CTDSP2: variants seen among roughly 807,000 people sequenced by gnomAD.
CTDSP2 encodes the protein CTD small phosphatase 2.
In CTDSP2, 9 loss-of-function variants were observed where a neutral mutation model predicts 31.6. The observed-to-expected ratio is 0.28, with a 90% CI of 0.17 to 0.50. The LOEUF (loss-of-function observed/expected upper bound fraction) is 0.50, where lower values mean the gene tolerates loss of function less well. Among genes scored for constraint, CTDSP2 ranks in the 20% least tolerant of loss-of-function variants. The pLI is 0.98. For missense variants in CTDSP2, 267 were observed against 348.5 expected (o/e 0.77, Z 1.86); for synonymous variants, 134 against 134.5 (o/e 1.00, Z 0.03).
Position 57,822,927 on chromosome 12 carries a change from AG to A in CTDSP2, c.*674del, listed in dbSNP as rs1956156462. The A allele has an allele frequency of 6.5e-6, 1 of 152,816 alleles. No individual in the cohort carries two copies. Among genetic ancestry groups the A allele is most frequent in the Non-Finnish European group, 1.5e-5 (1 of 68,206 alleles). The allele number at this position is 152,816 out of a possible 1,614,324, so 9.5% of individuals were successfully genotyped here. On this transcript the variant is annotated 3_prime_UTR_variant, in exon 8 of 8. Coordinates refer to ENST00000398073, the MANE Select transcript of CTDSP2 (RefSeq NM_005730.4). ...ACTATGGCTAGGTGGTGAGGAAGGC[AG>A]GCTCAGCACCCCAGCCTTGGGGAGA...
At chr12:57,838,906 C>T (rs1426397855) in intron 1 of CTDSP2, among the ~76,000 whole-genome samples, 1 of 152,228 alleles carries the variant, frequency 6.6e-6, no homozygotes, top group Non-Finnish European at 1.5e-5. Flanking sequence ...CTTTCATACT[C>T]TTACCTCAGT....
chr12:57,834,167 CTTTT>C (rs879724891), intron 1 of CTDSP2, among the ~76,000 whole-genome samples: 1 of 148,570 alleles, frequency 6.7e-6, no homozygotes, highest in South Asian at 2.1e-4. Flanking sequence ...TTCTGGAAAA[CTTTT>C]TTTTTTTCTA....
At chr12:57,831,493 GATGAA>G (rs1956215696) in intron 1 of CTDSP2, among the ~76,000 whole-genome samples, 2 of 152,214 alleles carry the variant, frequency 1.3e-5, no homozygotes, top group South Asian at 4.2e-4. Flanking sequence ...TTTTGCTATA[GATGAA>G]ATTTTCTGAT....
intron 1 of CTDSP2, among the ~76,000 whole-genome samples, chr12:57,843,985 G>A (rs1956297717): frequency 6.6e-6 from 1 of 151,964 alleles, no homozygotes. Context: ...ATCACCTCAG[G>A]AGTCGAGACC....
At position 57,838,422 on chromosome 12, in the gene CTDSP2, C is replaced by A. The variant is rs1047312899; in HGVS notation, c.64+7950G>T. 2.6e-5 allele frequency among the ~76,000 whole-genome samples: 4 copies of A among 152,188 alleles called. No homozygotes were observed. In the East Asian group the frequency reaches 7.7e-4, roughly 29 times the overall value. ...AACCACACTTGCCTACCTGGAGTTA[C>A]CCCTCCTTCCCCCTAAGGAGGTGTA... On this transcript the variant is annotated intron_variant, in intron 1 of 7. Coordinates refer to ENST00000398073, the MANE Select transcript of CTDSP2 (RefSeq NM_005730.4).
chr12:57,836,633 T>C (rs1956249280), intron 1 of CTDSP2, among the ~76,000 whole-genome samples: 1 of 151,806 alleles, frequency 6.6e-6, no homozygotes, highest in African/African-American at 2.4e-5. Context: ...CAGAGTGAGA[T>C]TTTGTCTTTA....
At chr12:57,825,367 C>T (rs186214030) in intron 5 of CTDSP2, among the ~76,000 whole-genome samples, 80 of 152,380 alleles carry the variant, frequency 5.3e-4, no homozygotes, top group African/African-American at 1.8e-3. Flanking sequence ...CAGCTTTCAT[C>T]AAGTCTGGCA....
At chr12:57,829,778 A>C (rs74094463) in intron 1 of CTDSP2, among the ~76,000 whole-genome samples, 182 bp from the exon 2 acceptor site, 2,513 of 152,266 alleles carry the variant, frequency 0.017, 67 homozygotes, top group African/African-American at 0.056. Context: ...TTTTCTCTTT[A>C]AAGCAGGAAT....
At chr12:57,836,583 G>A (rs1252735386) in intron 1 of CTDSP2, among the ~76,000 whole-genome samples, 29 of 152,128 alleles carry the variant, frequency 1.9e-4, no homozygotes, top group Non-Finnish European at 1.5e-4. Flanking sequence ...TTGAGGCTGC[G>A]GTAAGCCGTG....
At chr12:57,838,156 C>T (rs368061325) in intron 1 of CTDSP2, among the ~76,000 whole-genome samples, 7 of 152,270 alleles carry the variant, frequency 4.6e-5, no homozygotes, top group African/African-American at 1.4e-4. Flanking sequence ...AGATCCTGGA[C>T]CAGAGACAGA....
intron 1 of CTDSP2, 53 bp downstream of exon 1, chr12:57,846,319 G>T (rs1040365598): frequency 5.9e-6 from 9 of 1,532,990 alleles, no homozygotes; most frequent in Non-Finnish European, 8.0e-6. Context: ...GGCTGTGCTA[G>T]CCCCCTCCGC....
rs1308481360 is a variant in CTDSP2, at chr12:57,836,477, T to C, written c.65-6881A>G. On this transcript the variant is annotated intron_variant, in intron 1 of 7. Transcript: ENST00000398073. ...GAGTTCAAGACCAGCCTGAGCAACA[T>C]GGCAAAATCCTGTTCTACCAAAAAA... is the stretch of plus-strand genomic sequence containing the variant. Among the ~76,000 whole-genome samples, 3 of 152,142 alleles carry C rather than the reference T, an allele frequency of 2.0e-5. No individual in the cohort carries two copies. The East Asian group carries it at 5.8e-4, about 29-fold the overall frequency.
chr12:57,824,174 AC>A lies in CTDSP2; in HGVS notation c.504+52del, dbSNP rs879171354. On this transcript the variant is annotated intron_variant, in intron 6 of 7. Transcript: ENST00000398073. ...GGGACCAAAAGGGAGCTGCTGGACC[AC>A]CCCCGTGGCCACCACACCCACTCCT... The A allele has an allele frequency of 8.4e-5, 135 of 1,608,598 alleles. 2 individuals carry two copies. In the South Asian group the frequency reaches 1.4e-3, roughly 17 times the overall value.
At chr12:57,835,703 G>C (rs1956243640) in intron 1 of CTDSP2, among the ~76,000 whole-genome samples, 1 of 152,352 alleles carries the variant, frequency 6.6e-6, no homozygotes, top group South Asian at 2.1e-4. Flanking sequence ...TCTGGCTTAA[G>C]AAGAAAGTGA....
intron 2 of CTDSP2, among the ~76,000 whole-genome samples, chr12:57,827,870 A>T (rs1956192827): frequency 6.6e-6 from 1 of 152,152 alleles, no homozygotes; most frequent in South Asian, 2.1e-4. Flanking sequence ...GGAACAGGGA[A>T]CTCAAGTAAC....
intron 1 of CTDSP2, among the ~76,000 whole-genome samples, chr12:57,838,026 G>C (rs1956258585): frequency 6.6e-6 from 1 of 152,172 alleles, no homozygotes; most frequent in South Asian, 2.1e-4. Context: ...ATTTCTGGCA[G>C]TTCTAAAGCA....
At position 57,826,415 on chromosome 12, in the gene CTDSP2, A is replaced by G. The variant is rs771170523; in HGVS notation, c.355-13T>C. 6.2e-6 allele frequency: 10 copies of G among 1,613,942 alleles called. No individual in the cohort carries two copies. Among genetic ancestry groups the G allele is most frequent in the African/African-American group, 1.3e-5 (1 of 75,050 alleles). On this transcript the variant is annotated splice_polypyrimidine_tract_variant and intron_variant, in intron 4 of 7. Coordinates refer to ENST00000398073, the MANE Select transcript of CTDSP2 (RefSeq NM_005730.4). ...CATTGTTGATTGGCTGGAAGGCAGA[A>G]AAGTTAATGCTGTCAGCATGGTGGC... is the stretch of plus-strand genomic sequence containing the variant.
chr12:57,837,645 C>A (rs144681209), intron 1 of CTDSP2, among the ~76,000 whole-genome samples: 5,544 of 150,980 alleles, frequency 0.037, 141 homozygotes, highest in Non-Finnish European at 0.058. Flanking sequence ...GAGCCGAGAT[C>A]ACACCATTGC....
rs1956141919 is a variant in CTDSP2 at position 57,821,043 on chromosome 12, C to T, written c.*2559G>A. The T allele has an allele frequency of 6.6e-6, 1 of 152,194 alleles. No individual in the cohort carries two copies. The highest frequency in any genetic ancestry group is 6.5e-5 in the Admixed American group (1 of 15,270). The allele number at this position is 152,194 out of a possible 1,614,324, so 9.4% of individuals were successfully genotyped here. ...AGAAGAGAGTCTGGGATGAAGCGGC[C>T]TCCTCCCTGTCTTGCCCTCCAAAAT... On this transcript the variant is annotated 3_prime_UTR_variant, in exon 8 of 8. Transcript: ENST00000398073.
Sources: gnomAD v4.1 joint callset for allele counts (sites outside exome capture counted in the v4.1 genomes callset) on GRCh38, gnomAD v4.1.1 for gene constraint, MANE v1.5 for transcripts, NCBI Gene and HGNC (gene_info 2026-07-23, HGNC 2026-07-21) for gene names.